Variants in DLG2 observed in about 807,000 individuals in gnomAD.
DLG2 encodes disks large homolog 2.
In DLG2, 45 loss-of-function variants were observed where a neutral mutation model predicts 132.5. That is an observed-to-expected ratio of 0.34 (90% CI 0.27 to 0.44). The LOEUF (loss-of-function observed/expected upper bound fraction) is 0.44, where lower values mean the gene tolerates loss of function less well. Among genes scored for constraint, DLG2 ranks in the 20% least tolerant of loss-of-function variants. The pLI, the probability that DLG2 is intolerant of heterozygous loss-of-function variation, is 1.00. For missense variants in DLG2, 1,045 were observed against 1,196.9 expected (o/e 0.87, Z 1.87); for synonymous variants, 424 against 419.6 (o/e 1.01, Z -0.13).
At chr11:84,676,924 C>G (rs1019834187) in intron 6 of DLG2, among the ~76,000 whole-genome samples, 2 of 151,840 alleles carry the variant, frequency 1.3e-5, no homozygotes, top group Non-Finnish European at 2.9e-5. Flanking sequence ...GTGAGAAAAG[C>G]CTGCAGCAGA....
intron 8 of DLG2, among the ~76,000 whole-genome samples, chr11:84,191,080 G>A (rs1343684133): frequency 6.6e-6 from 1 of 152,206 alleles, no homozygotes; most frequent in Non-Finnish European, 1.5e-5. Context: ...GGTTTGTGGT[G>A]TAGGAATCTG....
chr11:84,645,492 G>C (rs1275285616), intron 6 of DLG2, among the ~76,000 whole-genome samples: 1 of 152,134 alleles, frequency 6.6e-6, no homozygotes, highest in Non-Finnish European at 1.5e-5. Context: ...TTTTGAGACA[G>C]AGTCTCGCTC....
chr11:83,608,845 T>C (rs1485873763), intron 19 of DLG2, among the ~76,000 whole-genome samples: 1 of 152,140 alleles, frequency 6.6e-6, no homozygotes, highest in African/African-American at 2.4e-5. Context: ...AGCAGGCTAA[T>C]GAATGAACTG....
chr11:84,452,156 A>T (rs2099053414), intron 7 of DLG2, among the ~76,000 whole-genome samples: 2 of 151,056 alleles, frequency 1.3e-5, no homozygotes, highest in South Asian at 4.2e-4. Context: ...GATGAGGAAG[A>T]GGAGGAGGAG....
At chr11:84,919,208 T>C (rs976936199) in intron 6 of DLG2, among the ~76,000 whole-genome samples, 2 of 152,166 alleles carry the variant, frequency 1.3e-5, no homozygotes, top group Admixed American at 6.5e-5. Flanking sequence ...GTTATTACTA[T>C]AGTCTAAGAA....
At chr11:83,987,952 T>A (rs1194503940) in intron 11 of DLG2, among the ~76,000 whole-genome samples, 1 of 152,122 alleles carries the variant, frequency 6.6e-6, no homozygotes, top group African/African-American at 2.4e-5. Context: ...GAAGTGTGTT[T>A]ATGTTCTTTG....
intron 6 of DLG2, among the ~76,000 whole-genome samples, chr11:84,712,733 A>G (rs2060588568): frequency 6.6e-6 from 1 of 152,068 alleles, no homozygotes; most frequent in Non-Finnish European, 1.5e-5. Flanking sequence ...TTGATATGTG[A>G]TCTATCACTT....
chr11:83,604,151 AAGAC>A (rs1288853336), intron 19 of DLG2, among the ~76,000 whole-genome samples: 3 of 152,242 alleles, frequency 2.0e-5, no homozygotes, highest in Non-Finnish European at 2.9e-5. Flanking sequence ...TAAAAACAAA[AAGAC>A]AGCACTGTGA....
Position 84,407,806 on chromosome 11 carries a change from T to C in DLG2, c.519+126764A>G, listed in dbSNP as rs575902761. Among the ~76,000 whole-genome samples, 43 of 152,332 alleles carry C rather than the reference T, an allele frequency of 2.8e-4. 2 individuals carry two copies. In the South Asian group the frequency reaches 8.9e-3, roughly 32 times the overall value. ...ACCGATAGCCTGTGGTAGAATGACATCTAGAGCCCAGGCTTCCTGTGTCAC... is the reference window on the plus strand; with the variant it reads ...ACCGATAGCCTGTGGTAGAATGACACCTAGAGCCCAGGCTTCCTGTGTCAC... On this transcript the variant is annotated intron_variant, in intron 7 of 27. Transcript: ENST00000376104.
chr11:84,841,569 A>G (rs1322273210), intron 6 of DLG2, among the ~76,000 whole-genome samples: 2 of 151,972 alleles, frequency 1.3e-5, no homozygotes, highest in African/African-American at 4.8e-5. Context: ...TTGTAGCTAG[A>G]ACAGTACCTG....
intron 3 of DLG2, among the ~76,000 whole-genome samples, chr11:85,482,162 T>C (rs2093312074): frequency 6.6e-6 from 1 of 151,542 alleles, no homozygotes; most frequent in Non-Finnish European, 1.5e-5. Context: ...TCAGGCCCAC[T>C]TGACCATCAG....
At chr11:83,879,533 T>C (rs2065618701) in intron 15 of DLG2, among the ~76,000 whole-genome samples, 1 of 152,190 alleles carries the variant, frequency 6.6e-6, no homozygotes, top group African/African-American at 2.4e-5. Flanking sequence ...TCTCTTAATA[T>C]AGCGCATGCA....
At chr11:83,736,636 G>T (rs1294244152) in intron 18 of DLG2, among the ~76,000 whole-genome samples, 1 of 152,080 alleles carries the variant, frequency 6.6e-6, no homozygotes, top group Non-Finnish European at 1.5e-5. Flanking sequence ...TCAACTGTGT[G>T]TATGATTTGT....
chr11:83,851,108 T>C lies in DLG2; in HGVS notation c.1566-17338A>G, dbSNP rs1314667324. Among the ~76,000 whole-genome samples, 10 of 144,466 alleles carry C rather than the reference T, an allele frequency of 6.9e-5. No individual in the cohort carries two copies. In the South Asian group the frequency reaches 2.2e-3, roughly 32 times the overall value. 94.8% of individuals were successfully genotyped at this position (144,466 alleles called of 152,430 possible). On this transcript the variant is annotated intron_variant, in intron 16 of 27. Coordinates refer to ENST00000376104, the MANE Select transcript of DLG2 (RefSeq NM_001142699.3). ...AGGAGAATGGTGTGAACCTGGGAGG[T>C]GGAGCTTGCAGTGAGCTGAGACCGC... is the stretch of plus-strand genomic sequence containing the variant.
intron 6 of DLG2, among the ~76,000 whole-genome samples, chr11:84,608,916 G>A (rs1940085): frequency 0.37 from 56,504 of 152,014 alleles, 11,626 homozygotes; most frequent in African/African-American, 0.54. Flanking sequence ...TTTTAAATAA[G>A]TAAATTCAAA....
intron 7 of DLG2, among the ~76,000 whole-genome samples, chr11:84,479,569 G>C (rs2099131194): frequency 1.3e-5 from 2 of 151,934 alleles, no homozygotes; most frequent in African/African-American, 4.8e-5. Context: ...CAGATGATTT[G>C]TCCTTAAATT....
At chr11:84,034,698 A>T (rs975549236) in intron 11 of DLG2, among the ~76,000 whole-genome samples, 3 of 152,134 alleles carry the variant, frequency 2.0e-5, no homozygotes, top group Non-Finnish European at 4.4e-5. Context: ...TATATCCATC[A>T]TCTGATAGGA....
intron 3 of DLG2, among the ~76,000 whole-genome samples, chr11:85,362,232 C>A (rs146144027): frequency 1.3e-5 from 2 of 152,154 alleles, no homozygotes; most frequent in Non-Finnish European, 2.9e-5. Flanking sequence ...TGGAATTATA[C>A]GCATAAGCTA....
intron 22 of DLG2, among the ~76,000 whole-genome samples, chr11:83,477,190 A>C (rs972483108): frequency 6.6e-6 from 1 of 152,146 alleles, no homozygotes; most frequent in African/African-American, 2.4e-5. Flanking sequence ...AGAAGCTTGC[A>C]TAGTCCTCAA....
Sources: gnomAD v4.1 joint callset for allele counts (sites outside exome capture counted in the v4.1 genomes callset) on GRCh38, gnomAD v4.1.1 for gene constraint, MANE v1.5 for transcripts, NCBI Gene and HGNC (gene_info 2026-07-23, HGNC 2026-07-21) for gene names.